NUCB2: variants seen among roughly 807,000 people sequenced by gnomAD.
NUCB2 encodes the protein nucleobindin 2.
A neutral mutation model predicts 57.9 loss-of-function variants in NUCB2; 48 were observed. That is an observed-to-expected ratio of 0.83 (90% CI 0.66 to 1.05). The LOEUF is 1.05. NUCB2 is among the 50% of genes least tolerant of loss of function. The probability of loss-of-function intolerance (pLI) is 0.00; values close to 1 mark genes in which losing one functional copy is unlikely to be tolerated. For synonymous variants in NUCB2, 139 were observed against 152.1 expected, an observed-to-expected ratio of 0.91 and a Z score of 0.64; for missense variants, 442 against 476.2, an observed-to-expected ratio of 0.93 and a Z score of 0.67.
chr11:17,282,246 A>ATCTATCTATCTATCTGTC, intron 1 of NUCB2, among the ~76,000 whole-genome samples: 1 of 111,474 alleles, frequency 9.0e-6, no homozygotes, highest in South Asian at 3.0e-4. Flanking sequence ...CTATATATAT[A>ATCTATCTATCTATCTGTC]TATATATATA....
rs1447989012 is a variant in NUCB2 at position 17,295,337 on chromosome 11, C to T, written c.14C>T (p.Thr5Ile). 6.2e-7 allele frequency: 1 copy of T among 1,610,298 alleles called. No individual in the cohort carries two copies. The highest frequency in any genetic ancestry group is 8.5e-7 in the Non-Finnish European group (1 of 1,178,126). Residue 5 changes from threonine (T) to isoleucine (I), a missense_variant, in exon 3 of 14, where the codon ACC becomes ATC. Physicochemically the swap from Thr to Ile is moderately conservative, Grantham distance 89. Coordinates refer to ENST00000529010, the MANE Select transcript of NUCB2 (RefSeq NM_005013.4). MRWR[T>I]ILLQYCFLLI... ...CCTTTATTTCAGATGAGGTGGAGGA[C>T]CATCCTGCTACAGTATTGCTTTCTC...
intron 2 of NUCB2, among the ~76,000 whole-genome samples, chr11:17,290,352 A>G (rs754862056): frequency 9.2e-5 from 14 of 152,218 alleles, no homozygotes; most frequent in Admixed American, 2.6e-4. Context: ...AATAAAGTTC[A>G]TGCATGTACA....
chr11:17,310,880 A>T lies in NUCB2; in HGVS notation c.539A>T (p.Tyr180Phe). ...ACTCGTCATGAAGAATTTAAAAAATATGAAATGATGAAGGAACATGAAAGG... is the reference window on the plus strand; with the variant it reads ...ACTCGTCATGAAGAATTTAAAAAATTTGAAATGATGAAGGAACATGAAAGG... ...DKTRHEEFKK[Y>F]EMMKEHERRE... The change falls in exon 7 of 14, where the codon TAT becomes TTT. Residue 180 changes from tyrosine to phenylalanine, a missense_variant. Physicochemically the swap from Tyr to Phe is conservative, Grantham distance 22. Coordinates refer to ENST00000529010, the MANE Select transcript of NUCB2 (RefSeq NM_005013.4). The T allele has an allele frequency of 6.3e-7, 1 of 1,594,858 alleles. No individual in the cohort carries two copies. Among genetic ancestry groups the T allele is most frequent in the South Asian group, 1.2e-5 (1 of 85,870 alleles).
At position 17,311,266 on chromosome 11, in the gene NUCB2, C is replaced by T; in HGVS notation, c.743C>T (p.Thr248Ile). The change falls in exon 8 of 14, where the codon ACA becomes ATA. Residue 248 changes from threonine (T) to isoleucine (I), a missense_variant. Transcript: ENST00000529010. ...GATCCTAATGACTTTGACCCCAAGA[C>T]ATTTTTCAAATTACATGGTAACGAT... ...GLDPNDFDPK[T>I]FFKLHDVNSD... The T allele has an allele frequency of 6.2e-7, 1 of 1,604,586 alleles. No individual in the cohort carries two copies. Among genetic ancestry groups the T allele is most frequent in the South Asian group, 1.1e-5 (1 of 90,050 alleles).
rs1378824892 is a variant in NUCB2, at chr11:17,301,804, G to A, written c.313G>A (p.Glu105Lys). Residue 105 changes from glutamate (E) to lysine (K), a missense_variant, in exon 5 of 14, where the codon GAA becomes AAA. Transcript: ENST00000529010. The part of the protein sequence containing the change: ...VSHHVRTKLD[E>K]LKRQEVGRLR... ...TCACCATGTGAGGACAAAACTTGATGAACTGAAAAGGCAAGAAGTAGGAAG... is the reference window on the plus strand; with the variant it reads ...TCACCATGTGAGGACAAAACTTGATAAACTGAAAAGGCAAGAAGTAGGAAG... 1 of 1,612,608 alleles carries A rather than the reference G, an allele frequency of 6.2e-7. No homozygotes were observed.
In NUCB2 at chr11:17,286,095, G is replaced by A. The variant is rs145890901; in HGVS notation, c.-1+3152G>A. Among the ~76,000 whole-genome samples, 735 of 152,224 alleles carry A rather than the reference G, an allele frequency of 4.8e-3. 8 individuals carry two copies. Among genetic ancestry groups the A allele is most frequent in the African/African-American group, 0.016 (682 of 41,530 alleles). ...GTCACCCTGGCTAGAGTGCTGTGGC[G>A]TGACCATGGCTCACTGCAGCCTCAA... On this transcript the variant is annotated intron_variant, in intron 2 of 13. Transcript: ENST00000529010.
At chr11:17,314,254 G>A (rs1948924223) in intron 10 of NUCB2, among the ~76,000 whole-genome samples, 2 of 152,050 alleles carry the variant, frequency 1.3e-5, no homozygotes, top group South Asian at 4.2e-4. Flanking sequence ...TCTCCTAACT[G>A]GCATCTCTGC....
At position 17,288,882 on chromosome 11, in the gene NUCB2, T is replaced by TACACACACACACACAC. The variant is rs1167995024; in HGVS notation, c.-1+5993_-1+6008dup. Among the ~76,000 whole-genome samples, 116 of 44,614 alleles carry TACACACACACACACAC rather than the reference T, an allele frequency of 2.6e-3. 4 individuals carry two copies. Among genetic ancestry groups the TACACACACACACACAC allele is most frequent in the Non-Finnish European group, 3.9e-3 (97 of 24,858 alleles). 29.3% of individuals were successfully genotyped at this position (44,614 alleles called of 152,430 possible). On this transcript the variant is annotated intron_variant, in intron 2 of 13. Transcript: ENST00000529010. ...TAAAGTCTATTTAATAACATGTATA[T>TACACACACACACACAC]ACACACACACACACACACACACACA...
chr11:17,282,678 A>G (rs540532614), intron 1 of NUCB2, 111 bp from the exon 2 acceptor site: 6 of 152,286 alleles, frequency 3.9e-5, no homozygotes, highest in Admixed American at 3.3e-4. Context: ...GGCACTTTTC[A>G]CATTATGTGA....
intron 2 of NUCB2, among the ~76,000 whole-genome samples, chr11:17,348,317 G>GTTTTT (rs1191104686): frequency 3.6e-5 from 2 of 55,700 alleles, no homozygotes; most frequent in Non-Finnish European, 6.3e-5. Flanking sequence ...GTTTGTTTTT[G>GTTTTT]TGTTTTTTTT....
At chr11:17,314,370 G>C (rs115807701) in intron 10 of NUCB2, among the ~76,000 whole-genome samples, 95 of 152,182 alleles carry the variant, frequency 6.2e-4, no homozygotes, top group African/African-American at 2.2e-3. Context: ...TACTTCAGTG[G>C]CTTGCAATTT....
intron 2 of NUCB2, among the ~76,000 whole-genome samples, chr11:17,341,248 AT>A (rs1469327570): frequency 3.9e-5 from 6 of 152,134 alleles, no homozygotes; most frequent in Middle Eastern, 3.2e-3. Context: ...ATATACAATC[AT>A]GTCATCTGCA....
chr11:17,298,566 T>C (rs1946211701), intron 4 of NUCB2, among the ~76,000 whole-genome samples: 1 of 150,248 alleles, frequency 6.7e-6, no homozygotes. Context: ...CGAGACCTCA[T>C]CTCTTAAAAA....
intron 2 of NUCB2, among the ~76,000 whole-genome samples, chr11:17,346,342 T>C (rs932829215): frequency 1.3e-5 from 2 of 152,186 alleles, no homozygotes; most frequent in Non-Finnish European, 2.9e-5. Context: ...CTCCAGGTGA[T>C]TCTAATATGC....
chr11:17,301,903 T>C (rs749751185), intron 5 of NUCB2, 33 bp downstream of exon 5: 8 of 1,590,324 alleles, frequency 5.0e-6, no homozygotes, highest in Non-Finnish European at 6.9e-6. Flanking sequence ...GATTTTTTTT[T>C]TCTTTTTTCC....
At chr11:17,298,036 T>G (rs1231352434) in intron 4 of NUCB2, among the ~76,000 whole-genome samples, 1 of 149,822 alleles carries the variant, frequency 6.7e-6, no homozygotes, top group African/African-American at 2.5e-5. Context: ...GAGCCGAGAT[T>G]GTTCCACTGC....
At chr11:17,321,046 A>G (rs1949951843) in intron 11 of NUCB2, among the ~76,000 whole-genome samples, 1 of 151,298 alleles carries the variant, frequency 6.6e-6, no homozygotes, top group African/African-American at 2.4e-5. Context: ...TAATAATCAC[A>G]TAATGGAAAA....
chr11:17,288,549 C>CTTTTTTTTTTT (rs752336919), intron 2 of NUCB2, among the ~76,000 whole-genome samples: 55 of 75,828 alleles, frequency 7.3e-4, no homozygotes, highest in Non-Finnish European at 9.6e-4. Context: ...TCTTCTTCTT[C>CTTTTTTTTTTT]TTCTTTTTTT....
chr11:17,326,070 G>A (rs1417454465), intron 11 of NUCB2, among the ~76,000 whole-genome samples: 1 of 149,658 alleles, frequency 6.7e-6, no homozygotes, highest in Non-Finnish European at 1.5e-5. Flanking sequence ...GCAAGATCTC[G>A]GCTCACCACA....
Sources: allele counts gnomAD v4.1 joint callset (sites outside exome capture counted in the v4.1 genomes callset), GRCh38; gene constraint gnomAD v4.1.1; transcripts MANE v1.5; gene names NCBI Gene and HGNC (gene_info 2026-07-23, HGNC 2026-07-21).